The following CSMD1 variants were observed in gnomAD, a reference collection of about 807,000 sequenced individuals.
CSMD1 encodes CUB and Sushi multiple domains 1, also known as CUB and sushi domain-containing protein 1.
In CSMD1, 213 loss-of-function variants were observed where a neutral mutation model predicts 417.5. The ratio of observed to expected loss-of-function variants is 0.51; its 90% CI spans 0.46 to 0.57. The LOEUF (loss-of-function observed/expected upper bound fraction) is 0.57. CSMD1 is among the 20% of genes least tolerant of loss of function. The probability of loss-of-function intolerance (pLI) is 0.00; values close to 1 mark genes in which losing one functional copy is unlikely to be tolerated. For missense variants in CSMD1, 6,923 were observed against 4,529.7 expected (o/e 1.53, Z -15.17); for synonymous variants, 2,862 against 1,736.8 (o/e 1.65, Z -16.11).
intron 7 of CSMD1, among the ~76,000 whole-genome samples, chr8:3,699,435 T>G (rs1434489416): frequency 1.3e-5 from 2 of 152,228 alleles, no homozygotes; most frequent in African/African-American, 4.8e-5. Context: ...AGCCAGTACC[T>G]AGCAAGTCTA....
chr8:4,549,611 G>A (rs537409424), intron 2 of CSMD1, among the ~76,000 whole-genome samples: 169 of 152,094 alleles, frequency 1.1e-3, no homozygotes, highest in African/African-American at 3.8e-3. Context: ...ATGAATGGCC[G>A]GGCGCGGTGG....
rs140124066 is a variant in CSMD1 at position 3,396,168 on chromosome 8, G to C, written c.2593+26C>G. On this transcript the variant is annotated intron_variant, in intron 17 of 69. Transcript: ENST00000635120. ...TTCTCCCATGCATGCTGCCCTGCCG[G>C]GCTGTCAAGGGAAGGTGCAACTCAC... The C allele has an allele frequency of 1.1e-4, 163 of 1,545,156 alleles. No homozygotes were observed. The African/African-American group carries it at 2.1e-3, about 20-fold the overall frequency.
At chr8:4,864,057 C>T (rs1802288255) in intron 1 of CSMD1, among the ~76,000 whole-genome samples, 1 of 151,762 alleles carries the variant, frequency 6.6e-6, no homozygotes, top group South Asian at 2.1e-4. Context: ...CCACTTTTTG[C>T]CATGTTACAA....
chr8:3,359,403 G>T, intron 20 of CSMD1, 63 bp from the exon 21 acceptor site: 3 of 985,076 alleles, frequency 3.0e-6, no homozygotes, highest in Non-Finnish European at 4.2e-6. Context: ...AGATTAAATA[G>T]CAAGAATAAA....
chr8:4,005,545 T>A (rs1816044377), intron 4 of CSMD1, among the ~76,000 whole-genome samples: 1 of 152,226 alleles, frequency 6.6e-6, no homozygotes, highest in South Asian at 2.1e-4. Flanking sequence ...GCTCATTCTT[T>A]ATTTTCTGAA....
intron 1 of CSMD1, among the ~76,000 whole-genome samples, chr8:4,713,164 G>T (rs1378977004): frequency 6.6e-6 from 1 of 152,074 alleles, no homozygotes; most frequent in Non-Finnish European, 1.5e-5. Context: ...TGTGTTCCCC[G>T]GGTGGGGAAA....
chr8:4,876,563 C>T (rs1401180037), intron 1 of CSMD1, among the ~76,000 whole-genome samples: 1 of 152,054 alleles, frequency 6.6e-6, no homozygotes, highest in Non-Finnish European at 1.5e-5. Flanking sequence ...CAATTTTCAC[C>T]GTACAAGGAT....
At chr8:3,527,015 A>G (rs1331910738) in intron 10 of CSMD1, among the ~76,000 whole-genome samples, 1 of 151,932 alleles carries the variant, frequency 6.6e-6, no homozygotes, top group African/African-American at 2.4e-5. Context: ...GCCTCTCCCT[A>G]CTCAGAATGT....
intron 1 of CSMD1, among the ~76,000 whole-genome samples, chr8:4,860,682 A>G (rs1009163064): frequency 1.3e-5 from 2 of 152,132 alleles, no homozygotes; most frequent in Non-Finnish European, 2.9e-5. Flanking sequence ...AATGTTTGAA[A>G]TGTTCCTCAT....
At chr8:3,182,827 T>A (rs1343787932) in intron 36 of CSMD1, among the ~76,000 whole-genome samples, 1 of 85,704 alleles carries the variant, frequency 1.2e-5, no homozygotes, top group Non-Finnish European at 3.0e-5. Flanking sequence ...ACTCTGGCTG[T>A]CTCTTTATAA....
chr8:3,880,211 G>C (rs1806118249), intron 5 of CSMD1, among the ~76,000 whole-genome samples: 1 of 152,096 alleles, frequency 6.6e-6, no homozygotes, highest in Admixed American at 6.6e-5. Flanking sequence ...GGAAAATAAT[G>C]CAATTTCAGG....
intron 54 of CSMD1, among the ~76,000 whole-genome samples, chr8:2,986,126 T>C (rs1038300668): frequency 3.3e-5 from 5 of 152,164 alleles, no homozygotes; most frequent in Non-Finnish European, 5.9e-5. Flanking sequence ...TTAGGTGTGA[T>C]AAAAGAAATA....
chr8:4,769,837 A>G (rs1318231427), intron 1 of CSMD1, among the ~76,000 whole-genome samples: 2 of 152,126 alleles, frequency 1.3e-5, no homozygotes, highest in Admixed American at 6.6e-5. Flanking sequence ...TGTTGTTGTT[A>G]TTATGTTCTC....
intron 1 of CSMD1, among the ~76,000 whole-genome samples, chr8:4,829,352 T>C (rs886535913): frequency 1.3e-5 from 2 of 152,212 alleles, no homozygotes; most frequent in African/African-American, 4.8e-5. Context: ...TACGTGTCTA[T>C]ACTGGGCAAC....
intron 18 of CSMD1, among the ~76,000 whole-genome samples, chr8:3,378,937 G>A (rs1188869908): frequency 6.6e-6 from 1 of 152,168 alleles, no homozygotes; most frequent in East Asian, 1.9e-4. Context: ...CATTCAAATA[G>A]GAAGAGATGA....
At chr8:4,605,809 G>A (rs769443774) in intron 2 of CSMD1, among the ~76,000 whole-genome samples, 19 of 152,186 alleles carry the variant, frequency 1.2e-4, no homozygotes, top group Non-Finnish European at 2.6e-4. Context: ...AACACTGGCA[G>A]GTGAAACTTG....
At chr8:3,727,939 G>A (rs79627898) in intron 6 of CSMD1, among the ~76,000 whole-genome samples, 50 of 152,186 alleles carry the variant, frequency 3.3e-4, no homozygotes, top group African/African-American at 1.0e-3. Flanking sequence ...CAGGGAGGAG[G>A]GGGTATGGGT....
intron 26 of CSMD1, among the ~76,000 whole-genome samples, chr8:3,234,737 C>T (rs532537393): frequency 6.6e-6 from 1 of 152,274 alleles, no homozygotes; most frequent in East Asian, 1.9e-4. Context: ...CACCCATAAG[C>T]CACACATTTT....
At chr8:4,261,389 G>C (rs904927705) in intron 3 of CSMD1, among the ~76,000 whole-genome samples, 8 of 152,270 alleles carry the variant, frequency 5.3e-5, no homozygotes, top group Non-Finnish European at 8.8e-5. Flanking sequence ...GAATCAGAAT[G>C]GTAGTTGCCA....
Sources: gnomAD v4.1 joint callset for allele counts (sites outside exome capture counted in the v4.1 genomes callset) on GRCh38, gnomAD v4.1.1 for gene constraint, MANE v1.5 for transcripts, NCBI Gene and HGNC (gene_info 2026-07-23, HGNC 2026-07-21) for gene names.